The following MYCBP2 variants were observed in gnomAD, a reference collection of about 807,000 sequenced individuals.
MYCBP2 encodes E3 ubiquitin-protein ligase MYCBP2.
Under a neutral mutation model 525.3 loss-of-function variants are expected in MYCBP2, and 120 were observed. The observed-to-expected ratio is 0.23, with a 90% confidence interval of 0.20 to 0.27. MYCBP2 has a LOEUF of 0.27. MYCBP2 is among the 10% of genes least tolerant of loss of function. The pLI is 1.00. For synonymous variants in MYCBP2, 1,894 were observed against 1,955.8 expected, an observed-to-expected ratio of 0.97 and a Z score of 0.83; for missense variants, 4,149 against 5,657.1, an observed-to-expected ratio of 0.73 and a Z score of 8.55.
intron 76 of MYCBP2, among the ~76,000 whole-genome samples, chr13:77,060,647 T>C (rs561794458): frequency 6.6e-6 from 1 of 152,320 alleles, no homozygotes; most frequent in Admixed American, 6.5e-5. Flanking sequence ...TACCTTTTGT[T>C]TTATGTCTAT....
At chr13:77,059,773 A>C in intron 76 of MYCBP2, 147 bp from the exon 77 acceptor site, 1 of 593,872 alleles carries the variant, frequency 1.7e-6, no homozygotes, top group Non-Finnish European at 3.0e-6. Flanking sequence ...AAGGTTTCTA[A>C]GTTGTCCTAA....
intron 55 of MYCBP2, among the ~76,000 whole-genome samples, chr13:77,110,959 C>T (rs1002170066): frequency 6.6e-6 from 1 of 152,080 alleles, no homozygotes; most frequent in African/African-American, 2.4e-5. Flanking sequence ...GCTGCTGATG[C>T]ACACTTCTTA....
At chr13:77,144,309 G>A in intron 49 of MYCBP2, 136 bp downstream of exon 49, 2 of 639,988 alleles carry the variant, frequency 3.1e-6, no homozygotes, top group Non-Finnish European at 2.8e-6. Context: ...TTATGAAAGA[G>A]AAAACAAGGC....
At chr13:77,082,086 A>C in intron 63 of MYCBP2, 93 bp from the exon 64 acceptor site, 71 of 1,052,352 alleles carry the variant, frequency 6.7e-5, no homozygotes, top group South Asian at 8.5e-5. Context: ...CTAATATCTC[A>C]AGAAATTTTA....
At chr13:77,129,746 G>A (rs1260256221) in intron 52 of MYCBP2, 4 of 151,698 alleles carry the variant, frequency 2.6e-5, no homozygotes, top group African/African-American at 4.8e-5. Flanking sequence ...AAAATAAAAA[G>A]TCTGAGTCAT....
chr13:77,219,325 T>C (rs572182890), intron 20 of MYCBP2, among the ~76,000 whole-genome samples: 2 of 152,016 alleles, frequency 1.3e-5, no homozygotes, highest in Non-Finnish European at 2.9e-5. Context: ...GGAGGTCTCT[T>C]TGGTGGAAGC....
intron 20 of MYCBP2, among the ~76,000 whole-genome samples, chr13:77,221,264 C>T (rs2065516439): frequency 6.6e-6 from 1 of 152,094 alleles, no homozygotes; most frequent in African/African-American, 2.4e-5. Context: ...AATATTATTA[C>T]CTGAGGAAGT....
At chr13:77,069,576 A>G (rs1402123291) in intron 69 of MYCBP2, among the ~76,000 whole-genome samples, 1 of 150,420 alleles carries the variant, frequency 6.6e-6, no homozygotes, top group Non-Finnish European at 1.5e-5. Context: ...CGTCTCTACT[A>G]AAAATACAAA....
At chr13:77,183,744 G>C (rs2060471486) in intron 32 of MYCBP2, among the ~76,000 whole-genome samples, 1 of 151,518 alleles carries the variant, frequency 6.6e-6, no homozygotes, top group Non-Finnish European at 1.5e-5. Flanking sequence ...TAGAGACTGA[G>C]TTTTGCCATG....
intron 2 of MYCBP2, among the ~76,000 whole-genome samples, chr13:77,290,014 A>T (rs1164592116): frequency 3.3e-5 from 5 of 152,214 alleles, no homozygotes; most frequent in Admixed American, 2.6e-4. Context: ...AAGAATTCTC[A>T]AAAGTCAACA....
chr13:77,093,005 C>T (rs899574138), intron 59 of MYCBP2, among the ~76,000 whole-genome samples, 160 bp downstream of exon 59: 3 of 152,140 alleles, frequency 2.0e-5, no homozygotes, highest in African/African-American at 4.8e-5. Flanking sequence ...CATCAAGGAC[C>T]TTACCTTAGT....
At position 77,191,801 on chromosome 13, in the gene MYCBP2, T is replaced by C. The variant is rs373242306; in HGVS notation, c.3948A>G (p.Ala1316=). ...AYDCAAREKY[A]MMFDEPVLLQ... ...GGAGAACAGGCTCATCAAACATCAT[T>C]GCATATTTTTCTCTGAGAAAAAATT... Residue 1316 remains alanine (A), a synonymous_variant, in exon 28 of 83, where the codon GCA becomes GCG. Transcript: ENST00000544440. 1.6e-5 allele frequency: 26 copies of C among 1,613,716 alleles called. No individual in the cohort carries two copies. In the African/African-American group the frequency reaches 3.3e-4, roughly 21 times the overall value.
At chr13:77,320,287 T>C (rs1302359132) in intron 1 of MYCBP2, among the ~76,000 whole-genome samples, 1 of 152,168 alleles carries the variant, frequency 6.6e-6, no homozygotes, top group Admixed American at 6.5e-5. Context: ...AACATGTGCC[T>C]GAAAGCGGGA....
At chr13:77,129,188 A>G (rs1390132282) in intron 52 of MYCBP2, 1 of 398,064 alleles carries the variant, frequency 2.5e-6, no homozygotes, top group East Asian at 3.6e-5. Context: ...GTCCATGAAA[A>G]TACGTCCAAA....
At chr13:77,284,198 C>T (rs2076492074) in intron 3 of MYCBP2, among the ~76,000 whole-genome samples, 1 of 151,020 alleles carries the variant, frequency 6.6e-6, no homozygotes, top group South Asian at 2.1e-4. Flanking sequence ...TACAACAACA[C>T]TTCAACAACA....
intron 23 of MYCBP2, among the ~76,000 whole-genome samples, 193 bp downstream of exon 23, chr13:77,210,974 C>T (rs555086257): frequency 2.6e-5 from 4 of 152,216 alleles, no homozygotes; most frequent in East Asian, 1.9e-4. Context: ...GGTAGTGTTG[C>T]TTAAAATGCA....
chr13:77,140,262 ATTCTTAATAAGG>A, intron 50 of MYCBP2, 99 bp from the exon 51 acceptor site: 5 of 668,248 alleles, frequency 7.5e-6, no homozygotes, highest in Non-Finnish European at 1.2e-5. Flanking sequence ...AAGTATCGTA[ATTCTTAATAAGG>A]TTCCAGAATT....
In MYCBP2 at chr13:77,077,296, T is replaced by C. The variant is rs1270716224; in HGVS notation, c.11576A>G (p.Glu3859Gly). ...HIIKIELKGP[E>G]NTLRVRQVKV... The stretch of plus-strand genomic sequence containing the variant: ...GACTTGTCGAACTCTCAGTGTATTT[T>C]CTGGGCCTTTTAATTCAATTTTTAT... The change falls in exon 67 of 83, where the codon GAA becomes GGA. Residue 3859 changes from glutamate (E) to glycine (G), a missense_variant. Glu to Gly is a moderately conservative substitution (Grantham distance 98). Coordinates refer to ENST00000544440, the MANE Select transcript of MYCBP2 (RefSeq NM_015057.5). The C allele has an allele frequency of 6.2e-7, 1 of 1,614,094 alleles. No individual in the cohort carries two copies. The highest frequency in any genetic ancestry group is 8.5e-7 in the Non-Finnish European group (1 of 1,179,966).
intron 32 of MYCBP2, among the ~76,000 whole-genome samples, chr13:77,183,537 A>ATTTTT (rs1595209357): frequency 4.4e-5 from 1 of 22,872 alleles, no homozygotes; most frequent in Non-Finnish European, 1.1e-4. Context: ...GATAGTCCCT[A>ATTTTT]TTTCTTTTTT....
Sources: gnomAD v4.1 joint callset for allele counts (sites outside exome capture counted in the v4.1 genomes callset) on GRCh38, gnomAD v4.1.1 for gene constraint, MANE v1.5 for transcripts, NCBI Gene and HGNC (gene_info 2026-07-23, HGNC 2026-07-21) for gene names.